LYPD6B: variants seen among roughly 807,000 people sequenced by gnomAD.
LYPD6B encodes the protein LY6/PLAUR domain containing 6B, also known as ly6/PLAUR domain-containing protein 6B.
Under a neutral mutation model 22.8 loss-of-function variants are expected in LYPD6B, and 17 were observed. The ratio of observed to expected loss-of-function variants is 0.75; its 90% confidence interval spans 0.51 to 1.12. LYPD6B has a LOEUF of 1.12. Among genes scored for constraint, LYPD6B ranks in the 50% most tolerant of loss-of-function variants. LYPD6B has a pLI of 0.00. For synonymous variants in LYPD6B, 106 were observed against 91.6 expected (o/e 1.16, Z -0.90); for missense variants, 221 against 258.3 (o/e 0.86, Z 0.99).
intron 3 of LYPD6B, chr2:149,205,023 T>A: frequency 2.3e-6 from 1 of 431,852 alleles, no homozygotes; most frequent in East Asian, 3.8e-5. Context: ...GGCCATCGAG[T>A]GTTCTGCTAA....
chr2:149,049,381 A>T (rs1574872003), intron 1 of LYPD6B, among the ~76,000 whole-genome samples: 1 of 152,232 alleles, frequency 6.6e-6, no homozygotes, highest in Admixed American at 6.5e-5. Context: ...ACATGCTCTC[A>T]TACACGTGAC....
chr2:149,039,862 C>A (rs1188362645), intron 1 of LYPD6B, among the ~76,000 whole-genome samples: 1 of 152,186 alleles, frequency 6.6e-6, no homozygotes, highest in Non-Finnish European at 1.5e-5. Context: ...CTGCCCTCAT[C>A]ATTACCCATC....
At chr2:149,179,214 A>G (rs895862432) in intron 3 of LYPD6B, among the ~76,000 whole-genome samples, 7 of 152,294 alleles carry the variant, frequency 4.6e-5, no homozygotes, top group African/African-American at 1.4e-4. Flanking sequence ...GAGAGCCTCA[A>G]TTTCTCCTGG....
chr2:149,108,746 C>A (rs1048120189), intron 1 of LYPD6B, among the ~76,000 whole-genome samples: 5 of 152,048 alleles, frequency 3.3e-5, no homozygotes, highest in African/African-American at 1.2e-4. Flanking sequence ...ATAATCACCC[C>A]CTTTTGTTCT....
chr2:149,100,220 C>T (rs1330438274), intron 1 of LYPD6B, among the ~76,000 whole-genome samples: 2 of 151,908 alleles, frequency 1.3e-5, no homozygotes, highest in Admixed American at 6.6e-5. Context: ...GGTGTAACCC[C>T]AGAATCCTTC....
At chr2:149,183,873 A>AT (rs1380489413) in intron 3 of LYPD6B, among the ~76,000 whole-genome samples, 10 of 151,314 alleles carry the variant, frequency 6.6e-5, no homozygotes. Flanking sequence ...GTATATATAT[A>AT]TATATATGCC....
At chr2:149,159,065 T>C (rs1689883268) in intron 2 of LYPD6B, among the ~76,000 whole-genome samples, 1 of 152,222 alleles carries the variant, frequency 6.6e-6, no homozygotes, top group Admixed American at 6.5e-5. Flanking sequence ...TGTTTTTTTT[T>C]CCTTGCCAGA....
At position 149,214,928 on chromosome 2, in the gene LYPD6B, C is replaced by G. The variant is rs1335311324; in HGVS notation, c.*218C>G. 2 of 559,602 alleles carry G rather than the reference C, an allele frequency of 3.6e-6. No individual in the cohort carries two copies. The highest frequency in any genetic ancestry group is 1.9e-5 in the African/African-American group (1 of 53,256). 34.7% of individuals were successfully genotyped at this position (559,602 alleles called of 1,614,324 possible). A position where few individuals can be genotyped will look rare whatever the true frequency, so the allele number is the denominator to read the frequency against. ...GGCAGGGCCTGAGAAGATGGTCTGACTTCCAGGCTTCCTGGTCAAAGAGAG... is the reference window on the plus strand; with the variant it reads ...GGCAGGGCCTGAGAAGATGGTCTGAGTTCCAGGCTTCCTGGTCAAAGAGAG... On this transcript the variant is annotated 3_prime_UTR_variant, in exon 7 of 7. Coordinates refer to ENST00000409642, the MANE Select transcript of LYPD6B (RefSeq NM_177964.5).
At position 149,120,361 on chromosome 2, in the gene LYPD6B, GTATA is replaced by G. The variant is rs764587788; in HGVS notation, c.-66-10502_-66-10499del. On this transcript the variant is annotated intron_variant, in intron 1 of 6. Transcript: ENST00000409642. ...TGTGTATATATATATGTGTGTGTGTGTATATATATATATATATATATATTTTTTT... is the reference window on the plus strand; with the variant it reads ...TGTGTATATATATATGTGTGTGTGTGTATATATATATATATATATTTTTTT... Among the ~76,000 whole-genome samples the G allele has an allele frequency of 2.4e-3, 94 of 38,726 alleles. 3 individuals are homozygous for G. Among genetic ancestry groups the G allele is most frequent in the African/African-American group, 8.3e-3 (47 of 5,684 alleles). The allele number at this position is 38,726 out of a possible 152,430, so 25.4% of individuals were successfully genotyped here. A position where few individuals can be genotyped will look rare whatever the true frequency, so the allele number is the denominator to read the frequency against.
At chr2:149,178,830 T>A (rs933938399) in intron 3 of LYPD6B, among the ~76,000 whole-genome samples, 1 of 152,180 alleles carries the variant, frequency 6.6e-6, no homozygotes, top group African/African-American at 2.4e-5. Flanking sequence ...GCCAGGCCAG[T>A]CTGCACAAAC....
chr2:149,168,740 T>G (rs1433638204), intron 3 of LYPD6B, among the ~76,000 whole-genome samples: 2 of 152,206 alleles, frequency 1.3e-5, no homozygotes, highest in African/African-American at 4.8e-5. Context: ...AATGAATGTG[T>G]TTGGACAATA....
chr2:149,162,224 C>T (rs1425599960), intron 3 of LYPD6B, among the ~76,000 whole-genome samples: 2 of 152,218 alleles, frequency 1.3e-5, no homozygotes, highest in East Asian at 1.9e-4. Context: ...ACCATCACTA[C>T]AGGTAACATT....
At chr2:149,169,827 G>C (rs545497393) in intron 3 of LYPD6B, among the ~76,000 whole-genome samples, 3 of 152,242 alleles carry the variant, frequency 2.0e-5, no homozygotes, top group African/African-American at 7.2e-5. Context: ...TGTCCCGCCA[G>C]GTAATGAACA....
intron 1 of LYPD6B, among the ~76,000 whole-genome samples, chr2:149,041,540 C>T (rs1039356428): frequency 6.6e-6 from 1 of 152,174 alleles, no homozygotes; most frequent in Non-Finnish European, 1.5e-5. Context: ...GGCTCACCTA[C>T]CTGAGCATCC....
intron 3 of LYPD6B, among the ~76,000 whole-genome samples, chr2:149,179,899 C>G (rs1439510023): frequency 6.6e-6 from 1 of 152,156 alleles, no homozygotes; most frequent in Non-Finnish European, 1.5e-5. Flanking sequence ...ATCGTTCAAC[C>G]TAAGTTAAAA....
intron 1 of LYPD6B, among the ~76,000 whole-genome samples, chr2:149,071,721 G>A (rs1208508392): frequency 6.6e-6 from 1 of 152,168 alleles, no homozygotes; most frequent in Non-Finnish European, 1.5e-5. Context: ...CTTTTGGTTA[G>A]TGTGAAGTTT....
At chr2:149,128,586 A>G (rs982029397) in intron 1 of LYPD6B, among the ~76,000 whole-genome samples, 1 of 152,198 alleles carries the variant, frequency 6.6e-6, no homozygotes, top group African/African-American at 2.4e-5. Flanking sequence ...TCTCACCTGG[A>G]TAGAGACTAT....
intron 3 of LYPD6B, among the ~76,000 whole-genome samples, chr2:149,182,375 T>G (rs1691799399): frequency 6.6e-6 from 1 of 152,230 alleles, no homozygotes; most frequent in Non-Finnish European, 1.5e-5. Context: ...CGTATAGATC[T>G]GTTTAATAGA....
rs745423872 is a variant in LYPD6B, at chr2:149,165,368, T to A, written c.77+4533T>A. Reference sequence around the variant, plus strand: ...CAAAGAATGCATGGCCATTTTAAATTTATTGCAGGCTCTTAACTTTGTTAT... The same window carrying A: ...CAAAGAATGCATGGCCATTTTAAATATATTGCAGGCTCTTAACTTTGTTAT... On this transcript the variant is annotated intron_variant, in intron 3 of 6. Coordinates refer to ENST00000409642, the MANE Select transcript of LYPD6B (RefSeq NM_177964.5). Among the ~76,000 whole-genome samples, 132 of 152,194 alleles carry A rather than the reference T, an allele frequency of 8.7e-4. 2 individuals carry two copies. Among genetic ancestry groups the A allele is most frequent in the Non-Finnish European group, 1.7e-3 (119 of 68,014 alleles).
Sources: allele counts gnomAD v4.1 joint callset (sites outside exome capture counted in the v4.1 genomes callset), GRCh38; gene constraint gnomAD v4.1.1; transcripts MANE v1.5; gene names NCBI Gene and HGNC (gene_info 2026-07-23, HGNC 2026-07-21).